The following DIP2C variants were observed in gnomAD, a reference collection of about 807,000 sequenced individuals.
The protein encoded by DIP2C is DIP2 acetate--CoA ligase C (putative), also known as disco-interacting protein 2 homolog C.
DIP2C carries 33 observed loss-of-function variants against 192.4 expected under a neutral mutation model. The observed-to-expected ratio is 0.17, with a 90% CI of 0.13 to 0.23. The LOEUF is 0.23. DIP2C is among the 10% of genes least tolerant of loss of function. The pLI is 1.00. For missense variants in DIP2C, 1,537 were observed against 2,110.1 expected, an observed-to-expected ratio of 0.73 and a Z score of 5.32; for synonymous variants, 979 against 864.1, an observed-to-expected ratio of 1.13 and a Z score of -2.33.
Position 369,604 on chromosome 10 carries a change from C to T in DIP2C, c.2021G>A (p.Gly674Asp). The change falls in exon 18 of 37, where the codon GGC (glycine) becomes GAC (aspartate). Residue 674 changes from glycine to aspartate, a missense_variant. Gly to Asp is a moderately conservative substitution (Grantham distance 94). This residue lies in a region of DIP2C where 677 missense variants were observed against 989.9 expected (regional missense o/e 0.68). Transcript: ENST00000280886. ...TCCATGCATGGAGAGGACACCCCGG[C>T]CCGGGGGCTGGTTACTGTCATCCGT... Reference protein sequence around the residue: ...RPTDDSNQPPGRGVLSMHGLT... With the variant: ...RPTDDSNQPPDRGVLSMHGLT... 6.2e-7 allele frequency: 1 copy of T among 1,613,818 alleles called. No homozygotes were observed. Among genetic ancestry groups the T allele is most frequent in the Non-Finnish European group, 8.5e-7 (1 of 1,179,868 alleles).
chr10:341,303 G>T lies in DIP2C; in HGVS notation c.3480C>A (p.Phe1160Leu), dbSNP rs2132559464. The change falls in exon 29 of 37, where the codon TTC (phenylalanine) becomes TTA (leucine). Residue 1160 changes from phenylalanine to leucine, a missense_variant. Transcript: ENST00000280886. ...CACACTGCAGCTTAATGGAACGGCAGAAGGCACTGGTGGCTGCGTGAGACA... is the reference window on the plus strand; with the variant it reads ...CACACTGCAGCTTAATGGAACGGCATAAGGCACTGGTGGCTGCGTGAGACA... ...VKMSHAATSA[F>L]CRSIKLQCEL... 6.2e-7 allele frequency: 1 copy of T among 1,614,160 alleles called. No individual in the cohort carries two copies. Among genetic ancestry groups the T allele is most frequent in the Non-Finnish European group, 8.5e-7 (1 of 1,180,052 alleles).
intron 1 of DIP2C, among the ~76,000 whole-genome samples, chr10:546,528 T>C (rs967928800): frequency 1.3e-5 from 2 of 152,212 alleles, no homozygotes; most frequent in Admixed American, 1.3e-4. Context: ...CCATGCTATA[T>C]ACAGTTAGGA....
At chr10:563,664 G>T (rs1346212300) in intron 1 of DIP2C, among the ~76,000 whole-genome samples, 1 of 152,202 alleles carries the variant, frequency 6.6e-6, no homozygotes, top group Non-Finnish European at 1.5e-5. Flanking sequence ...GCAAAGCAAG[G>T]AAAGCCATTA....
At chr10:376,929 C>T (rs950073761) in intron 17 of DIP2C, among the ~76,000 whole-genome samples, 1 of 152,158 alleles carries the variant, frequency 6.6e-6, no homozygotes, top group African/African-American at 2.4e-5. Flanking sequence ...CTTTCAAAAA[C>T]ACAACAGATA....
intron 1 of DIP2C, among the ~76,000 whole-genome samples, chr10:517,648 G>A (rs943727257): frequency 5.9e-5 from 9 of 152,272 alleles, no homozygotes; most frequent in Non-Finnish European, 8.8e-5. Flanking sequence ...TGATTCTACC[G>A]AATGCCATTC....
intron 3 of DIP2C, among the ~76,000 whole-genome samples, chr10:453,344 G>A (rs1283509656): frequency 6.6e-6 from 1 of 152,230 alleles, no homozygotes; most frequent in Non-Finnish European, 1.5e-5. Context: ...GTACCAGGCA[G>A]GATTGCAGCG....
chr10:325,274 C>T (rs954721049), intron 31 of DIP2C, among the ~76,000 whole-genome samples: 1 of 148,412 alleles, frequency 6.7e-6, no homozygotes, highest in African/African-American at 2.5e-5. Context: ...CAAAAACAAA[C>T]AAACAAAAAA....
intron 1 of DIP2C, among the ~76,000 whole-genome samples, chr10:526,939 TC>T (rs1266898926): frequency 6.6e-6 from 1 of 152,202 alleles, no homozygotes; most frequent in Non-Finnish European, 1.5e-5. Context: ...AGCAAGCAAC[TC>T]ATCCAAGTCT....
At chr10:491,623 T>C (rs1386087866) in intron 1 of DIP2C, among the ~76,000 whole-genome samples, 2 of 152,150 alleles carry the variant, frequency 1.3e-5, no homozygotes, top group African/African-American at 2.4e-5. Flanking sequence ...AGCTAACTAG[T>C]GTGGGTCGCA....
At chr10:328,051 C>A (rs368851405) in intron 30 of DIP2C, among the ~76,000 whole-genome samples, 1 of 152,094 alleles carries the variant, frequency 6.6e-6, no homozygotes. Flanking sequence ...GCTAAGGGGG[C>A]GGCCACCAAA....
intron 1 of DIP2C, among the ~76,000 whole-genome samples, chr10:551,731 C>T (rs1848599042): frequency 6.6e-6 from 1 of 152,224 alleles, no homozygotes. Flanking sequence ...CTTGCCCACA[C>T]AGGTACAGAA....
intron 1 of DIP2C, among the ~76,000 whole-genome samples, chr10:522,344 G>A (rs1846766586): frequency 6.6e-6 from 1 of 152,260 alleles, no homozygotes; most frequent in Admixed American, 6.5e-5. Context: ...CATCTTGGTT[G>A]CTTTCAAGTT....
chr10:345,040 G>A lies in DIP2C; in HGVS notation c.3302C>T (p.Ala1101Val), dbSNP rs752978080. ...CKLLRSREAA[A>V]AVDVRTWPLI... ...GGGCCACGTCCTGACGTCCACAGCC[G>A]CCGCCGCCTCCCTGGACCGCAGCAA... The change falls in exon 27 of 37, where the codon GCG becomes GTG. Residue 1101 changes from alanine (A) to valine (V), a missense_variant. Physicochemically the swap from Ala to Val is moderately conservative, Grantham distance 64 (BLOSUM62 0). Coordinates refer to ENST00000280886, the MANE Select transcript of DIP2C (RefSeq NM_014974.3). The A allele has an allele frequency of 2.4e-5, 39 of 1,613,480 alleles. No homozygotes were observed. The East Asian group carries it at 3.1e-4, about 13-fold the overall frequency.
intron 32 of DIP2C, among the ~76,000 whole-genome samples, chr10:298,643 G>A (rs1248112906): frequency 1.3e-5 from 2 of 152,226 alleles, no homozygotes; most frequent in Non-Finnish European, 2.9e-5. Flanking sequence ...TGACAGAGGA[G>A]GTCTAATGAC....
At chr10:331,012 C>A (rs913278410) in intron 29 of DIP2C, among the ~76,000 whole-genome samples, 3 of 131,550 alleles carry the variant, frequency 2.3e-5, no homozygotes, top group African/African-American at 8.8e-5. Context: ...GATACGGTTT[C>A]GTATTGTTGC....
At chr10:531,256 G>A (rs187022109) in intron 1 of DIP2C, among the ~76,000 whole-genome samples, 2 of 151,880 alleles carry the variant, frequency 1.3e-5, no homozygotes, top group African/African-American at 2.4e-5. Context: ...CACACACAGC[G>A]AACAAACCCC....
At chr10:420,433 G>A (rs1260285567) in intron 5 of DIP2C, among the ~76,000 whole-genome samples, 2 of 152,166 alleles carry the variant, frequency 1.3e-5, no homozygotes, top group South Asian at 2.1e-4. Context: ...GGGAGGGCCC[G>A]CCACACCGCC....
At position 387,703 on chromosome 10, in the gene DIP2C, G is replaced by A. The variant is rs555768298; in HGVS notation, c.1662+42C>T. ...TGTGGACAGGCAGGGCAGGGTGGGG[G>A]ACTCCTTTGTGGACAGACACGGCCG... On this transcript the variant is annotated intron_variant, in intron 14 of 36. Transcript: ENST00000280886. 5 of 1,577,490 alleles carry A rather than the reference G, an allele frequency of 3.2e-6. No homozygotes were observed. In the East Asian group the frequency reaches 9.3e-5, roughly 29 times the overall value.
rs1402071245 is a variant in DIP2C, at chr10:362,557, G to A, written c.2727C>T (p.Pro909=). The change falls in exon 22 of 37, where the codon CCC becomes CCT. Residue 909 remains proline, a synonymous_variant. Coordinates refer to ENST00000280886, the MANE Select transcript of DIP2C (RefSeq NM_014974.3). ...TGTGGGGGCACATTAGGACATTGCA[G>A]GGGTGCAGAGAGCCCTCCAGAAAAA... is the stretch of plus-strand genomic sequence containing the variant. ...KQLFLEGSLH[P]CNVLMCPHTC... The A allele has an allele frequency of 1.2e-6, 2 of 1,614,012 alleles. No individual in the cohort carries two copies. The highest frequency in any genetic ancestry group is 1.7e-6 in the Non-Finnish European group (2 of 1,180,006).
Sources: allele counts gnomAD v4.1 joint callset (sites outside exome capture counted in the v4.1 genomes callset), GRCh38; gene constraint gnomAD v4.1.1; regional missense constraint gnomAD v4.1.1; transcripts MANE v1.5; gene names NCBI Gene and HGNC (gene_info 2026-07-23, HGNC 2026-07-21).